The following ZFHX3 variants were observed in gnomAD, a reference collection of about 807,000 sequenced individuals.
The protein encoded by ZFHX3 is zinc finger homeobox 3, also known as zinc finger homeobox protein 3.
ZFHX3 carries 42 observed loss-of-function variants against 279.1 expected under a neutral mutation model. The observed-to-expected ratio is 0.15, with a 90% confidence interval of 0.12 to 0.19. The LOEUF (loss-of-function observed/expected upper bound fraction) is 0.19. Ranked by LOEUF, ZFHX3 falls within the 10% of genes least tolerant of loss-of-function variation. ZFHX3 has a pLI of 1.00. For synonymous variants in ZFHX3, 2,293 were observed against 1,957.8 expected (o/e 1.17, Z -4.52); for missense variants, 4,981 against 4,754.0 (o/e 1.05, Z -1.40).
In ZFHX3 at chr16:73,173,497, T is replaced by C. The variant is rs147984556; in HGVS notation, c.-1103-29666A>G. 4.1e-3 allele frequency among the ~76,000 whole-genome samples: 622 copies of C among 152,136 alleles called. 6 individuals carry two copies. Among genetic ancestry groups the C allele is most frequent in the African/African-American group, 0.014 (576 of 41,506 alleles). ...CCTGAACGTGATGAAGGATCTGGATTCCTTTGGCCCTTCCCAGTTTCCCTT... is the reference window on the plus strand; with the variant it reads ...CCTGAACGTGATGAAGGATCTGGATCCCTTTGGCCCTTCCCAGTTTCCCTT... On this transcript the variant is annotated intron_variant, in intron 5 of 17. Coordinates refer to the ZFHX3 transcript ENST00000641206.
At chr16:72,865,968 C>T (rs757182150) in intron 4 of ZFHX3, among the ~76,000 whole-genome samples, 1 of 152,120 alleles carries the variant, frequency 6.6e-6, no homozygotes, top group Non-Finnish European at 1.5e-5. Flanking sequence ...AGACCCGGGG[C>T]TTCTCTGAGC....
At chr16:73,167,210 C>G (rs1366461453) in intron 5 of ZFHX3, among the ~76,000 whole-genome samples, 1 of 152,218 alleles carries the variant, frequency 6.6e-6, no homozygotes, top group Non-Finnish European at 1.5e-5. Flanking sequence ...ATAAACAACA[C>G]TGAGTAATAG....
intron 2 of ZFHX3, among the ~76,000 whole-genome samples, chr16:73,492,626 C>T (rs1215960671): frequency 6.6e-6 from 1 of 152,198 alleles, no homozygotes; most frequent in Non-Finnish European, 1.5e-5. Context: ...CTAAAAGCCT[C>T]CCCCTTACAA....
intron 4 of ZFHX3, among the ~76,000 whole-genome samples, chr16:73,296,602 C>T (rs992604346): frequency 2.6e-5 from 4 of 152,330 alleles, no homozygotes; most frequent in African/African-American, 9.6e-5. Flanking sequence ...TTTCACTCCT[C>T]TATTCCCCAA....
intron 5 of ZFHX3, among the ~76,000 whole-genome samples, chr16:73,200,037 C>A (rs1199427782): frequency 6.6e-6 from 1 of 151,798 alleles, no homozygotes; most frequent in Non-Finnish European, 1.5e-5. Flanking sequence ...CAAGGTTCCA[C>A]ATGGAAAAAA....
chr16:73,205,253 T>C (rs1429737444), intron 5 of ZFHX3, among the ~76,000 whole-genome samples: 1 of 152,056 alleles, frequency 6.6e-6, no homozygotes, highest in Non-Finnish European at 1.5e-5. Flanking sequence ...TTACTAGAAA[T>C]AACTAATAAA....
chr16:73,196,747 G>A (rs1421959088), intron 5 of ZFHX3, among the ~76,000 whole-genome samples: 1 of 152,126 alleles, frequency 6.6e-6, no homozygotes, highest in Non-Finnish European at 1.5e-5. Flanking sequence ...ATACGTGTAG[G>A]TGGCACTTAA....
chr16:73,303,236 C>G (rs2015100429), intron 4 of ZFHX3, among the ~76,000 whole-genome samples: 1 of 152,098 alleles, frequency 6.6e-6, no homozygotes, highest in Non-Finnish European at 1.5e-5. Flanking sequence ...CTGTGTTGCC[C>G]AGGCTGGTCT....
intron 4 of ZFHX3, among the ~76,000 whole-genome samples, chr16:73,294,605 G>A (rs2014859050): frequency 6.6e-6 from 1 of 151,984 alleles, no homozygotes; most frequent in African/African-American, 2.4e-5. Context: ...GAGGTCAGGA[G>A]CTTGAGACCA....
At chr16:72,951,363 C>A (rs533644208) in intron 2 of ZFHX3, among the ~76,000 whole-genome samples, 1 of 151,922 alleles carries the variant, frequency 6.6e-6, no homozygotes, top group Non-Finnish European at 1.5e-5. Context: ...CGGGTTCAAG[C>A]GATTCTCCTG....
At chr16:72,931,766 G>C (rs184564712) in intron 3 of ZFHX3, among the ~76,000 whole-genome samples, 36 of 152,206 alleles carry the variant, frequency 2.4e-4, no homozygotes, top group Admixed American at 8.5e-4. Flanking sequence ...GCAATGTTAA[G>C]TCATCCGAGC....
At chr16:72,948,861 C>T (rs1297176373) in intron 3 of ZFHX3, among the ~76,000 whole-genome samples, 2 of 152,184 alleles carry the variant, frequency 1.3e-5, no homozygotes, top group Non-Finnish European at 2.9e-5. Context: ...CATCCTGTGG[C>T]CAGTTCAGAC....
chr16:73,612,162 T>C (rs1231238254), intron 2 of ZFHX3, among the ~76,000 whole-genome samples: 1 of 152,174 alleles, frequency 6.6e-6, no homozygotes, highest in East Asian at 1.9e-4. Flanking sequence ...AAAAAAGTTA[T>C]TTGGGGAGAA....
chr16:73,285,653 T>C (rs910596174), intron 4 of ZFHX3, among the ~76,000 whole-genome samples: 3 of 152,222 alleles, frequency 2.0e-5, no homozygotes, highest in Admixed American at 6.5e-5. Context: ...GCTGGTCATG[T>C]CCGTCAGGGA....
At chr16:72,856,457 C>T (rs1333003455) in intron 4 of ZFHX3, among the ~76,000 whole-genome samples, 1 of 152,210 alleles carries the variant, frequency 6.6e-6, no homozygotes, top group African/African-American at 2.4e-5. Context: ...TACTCTGTGC[C>T]TCTTTTAACT....
At chr16:73,560,866 A>T (rs1467277631) in intron 2 of ZFHX3, among the ~76,000 whole-genome samples, 1 of 152,230 alleles carries the variant, frequency 6.6e-6, no homozygotes, top group Admixed American at 6.5e-5. Flanking sequence ...CTGTGAGACT[A>T]GGAGGTGGTA....
chr16:73,313,684 T>A (rs1311531616), intron 4 of ZFHX3, among the ~76,000 whole-genome samples: 1 of 152,156 alleles, frequency 6.6e-6, no homozygotes, highest in Non-Finnish European at 1.5e-5. Flanking sequence ...TTCCCAGTCA[T>A]AAAAATGGCA....
At chr16:72,880,704 T>A (rs898268030) in intron 4 of ZFHX3, among the ~76,000 whole-genome samples, 2 of 152,190 alleles carry the variant, frequency 1.3e-5, no homozygotes, top group Non-Finnish European at 2.9e-5. Flanking sequence ...CATTGTCTGA[T>A]TTTTGATATT....
intron 5 of ZFHX3, among the ~76,000 whole-genome samples, chr16:73,255,269 A>G (rs144240593): frequency 1.4e-3 from 211 of 152,354 alleles, no homozygotes; most frequent in Non-Finnish European, 2.3e-3. Context: ...CAGTGAACCT[A>G]GAAGTATTGG....
Sources: allele counts gnomAD v4.1 joint callset (sites outside exome capture counted in the v4.1 genomes callset), GRCh38; gene constraint gnomAD v4.1.1; transcripts MANE v1.5; gene names NCBI Gene and HGNC (gene_info 2026-07-23, HGNC 2026-07-21).